ADGB: variants seen among roughly 807,000 people sequenced by gnomAD.
ADGB encodes the protein androglobin, also known as calpain-7-like protein.
Under a neutral mutation model 210.5 loss-of-function variants are expected in ADGB, and 172 were observed. That is an observed-to-expected ratio of 0.82 (90% CI 0.72 to 0.93). ADGB has a LOEUF of 0.93. Ranked by LOEUF, ADGB falls within the 40% of genes least tolerant of loss-of-function variation. The probability of loss-of-function intolerance (pLI) is 0.00; values close to 1 mark genes in which losing one functional copy is unlikely to be tolerated. For missense variants in ADGB, 2,025 were observed against 1,964.8 expected, an observed-to-expected ratio of 1.03 and a Z score of -0.58; for synonymous variants, 658 against 662.7, an observed-to-expected ratio of 0.99 and a Z score of 0.11.
intron 8 of ADGB, among the ~76,000 whole-genome samples, chr6:146,673,450 T>A (rs1382066333): frequency 1.3e-5 from 2 of 152,178 alleles, no homozygotes; most frequent in Non-Finnish European, 1.5e-5. Flanking sequence ...GTTGTCGTTA[T>A]CCTTTCTTAA....
intron 35 of ADGB, chr6:146,802,571 T>G (rs1210587597): frequency 6.1e-6 from 3 of 488,554 alleles, no homozygotes; most frequent in Admixed American, 3.9e-5. Context: ...CATAGTGCAC[T>G]TTCACCTCAA....
intron 27 of ADGB, among the ~76,000 whole-genome samples, chr6:146,763,345 T>C (rs1777524500): frequency 1.3e-5 from 2 of 152,222 alleles, no homozygotes; most frequent in Non-Finnish European, 2.9e-5. Context: ...ACTTATGTTT[T>C]TTCAATACAT....
intron 26 of ADGB, 88 bp from the exon 27 acceptor site, chr6:146,752,442 C>G (rs571621585): frequency 8.3e-7 from 1 of 1,206,964 alleles, no homozygotes; most frequent in Middle Eastern, 2.4e-4. Flanking sequence ...CAGATTTGGG[C>G]AGGGACATAT....
At chr6:146,796,397 A>C (rs1339397655) in intron 33 of ADGB, among the ~76,000 whole-genome samples, 1 of 152,202 alleles carries the variant, frequency 6.6e-6, no homozygotes, top group Non-Finnish European at 1.5e-5. Context: ...AAGCACGACC[A>C]ATCTGCATAG....
chr6:146,807,224 G>A (rs1464079803), intron 35 of ADGB, among the ~76,000 whole-genome samples: 2 of 152,100 alleles, frequency 1.3e-5, no homozygotes, highest in African/African-American at 2.4e-5. Context: ...TGAACCCTTT[G>A]TTGCTATGTT....
At chr6:146,731,007 A>G (rs1776975024) in intron 20 of ADGB, among the ~76,000 whole-genome samples, 1 of 152,196 alleles carries the variant, frequency 6.6e-6, no homozygotes, top group African/African-American at 2.4e-5. Flanking sequence ...GAGATAACTT[A>G]TCATTACAAG....
At position 146,700,972 on chromosome 6, in the gene ADGB, A is replaced by G. The variant is rs1354583909; in HGVS notation, c.1609A>G (p.Ile537Val). Residue 537 changes from isoleucine (I) to valine (V), a missense_variant, in exon 13 of 36, where the codon ATA becomes GTA. By Grantham distance (29) the Ile-to-Val change is conservative. Coordinates refer to ENST00000397944, the MANE Select transcript of ADGB (RefSeq NM_024694.4). ...TGTGCGCTCCTTAATTAAGAAAGGA[A>G]TACCTCCAGGATCTGATTTACCTTC... ...HFVRSLIKKG[I>V]PPGSDLPSVS... The G allele has an allele frequency of 4.5e-6, 7 of 1,551,004 alleles. No individual in the cohort carries two copies. In the African/African-American group the frequency reaches 6.8e-5, roughly 15 times the overall value.
intron 1 of ADGB, among the ~76,000 whole-genome samples, chr6:146,600,926 GCACACACACACACACACACA>G (rs35082520): frequency 2.8e-5 from 4 of 144,454 alleles, no homozygotes; most frequent in Admixed American, 1.4e-4. Context: ...TCCCCCATGC[GCACACACACACACACACACA>G]CACACACACA....
At position 146,721,744 on chromosome 6, in the gene ADGB, A is replaced by G. The variant is rs374624126; in HGVS notation, c.2095+239A>G. 3.3e-5 allele frequency among the ~76,000 whole-genome samples: 5 copies of G among 152,310 alleles called. No individual in the cohort carries two copies. In the East Asian group the frequency reaches 9.6e-4, roughly 29 times the overall value. ...TCCCAGCTACTCAGGAGGCTGAAGCAGGACAATCCCTTGAACCCAGGAGGC... is the reference window on the plus strand; with the variant it reads ...TCCCAGCTACTCAGGAGGCTGAAGCGGGACAATCCCTTGAACCCAGGAGGC... On this transcript the variant is annotated intron_variant, in intron 17 of 35. Coordinates refer to ENST00000397944, the MANE Select transcript of ADGB (RefSeq NM_024694.4).
chr6:146,701,565 A>G lies in ADGB; in HGVS notation c.1707+495A>G, dbSNP rs941054528. ...TCTTACTATTGTAAGCAACGGTACC[A>G]TGATTTTTCTCAAATGTCCCTTGAA... On this transcript the variant is annotated intron_variant, in intron 13 of 35. Transcript: ENST00000397944. 3.9e-5 allele frequency among the ~76,000 whole-genome samples: 6 copies of G among 152,026 alleles called. 1 individual carries two copies. Among genetic ancestry groups the G allele is most frequent in the Non-Finnish European group, 7.4e-5 (5 of 67,916 alleles).
At chr6:146,672,173 A>G (rs1776018615) in intron 7 of ADGB, 47 bp from the exon 8 acceptor site, 3 of 1,452,970 alleles carry the variant, frequency 2.1e-6, no homozygotes, top group Non-Finnish European at 2.7e-6. Flanking sequence ...GTTCAAGGAA[A>G]AAAAAAAACA....
rs1012872931 is a variant in ADGB at position 146,721,399 on chromosome 6, G to T, written c.1993-4G>T. On this transcript the variant is annotated splice_region_variant and splice_polypyrimidine_tract_variant and intron_variant, in intron 16 of 35. Coordinates refer to ENST00000397944, the MANE Select transcript of ADGB (RefSeq NM_024694.4). ...AGTATGACAACTGGTCTAATTTCTT[G>T]CAGTTCTCAGAAGAACGAGTGTCCT... is the stretch of plus-strand genomic sequence containing the variant. The T allele has an allele frequency of 6.6e-7, 1 of 1,513,794 alleles. No homozygotes were observed. The highest frequency in any genetic ancestry group is 1.2e-5 in the South Asian group (1 of 83,270). The allele number at this position is 1,513,794 out of a possible 1,614,324, so 93.8% of individuals were successfully genotyped here. A position where few individuals can be genotyped will look rare whatever the true frequency, so the allele number is the denominator to read the frequency against.
At chr6:146,731,454 C>T (rs1776986411) in intron 20 of ADGB, among the ~76,000 whole-genome samples, 1 of 151,950 alleles carries the variant, frequency 6.6e-6, no homozygotes, top group Non-Finnish European at 1.5e-5. Flanking sequence ...TTCTAGATGG[C>T]CTTGTTTTGC....
intron 5 of ADGB, among the ~76,000 whole-genome samples, chr6:146,659,497 C>G (rs1562267169): frequency 6.6e-6 from 1 of 152,136 alleles, no homozygotes; most frequent in Admixed American, 6.5e-5. Flanking sequence ...TCACTTTGTC[C>G]TGTAAAACAT....
intron 1 of ADGB, among the ~76,000 whole-genome samples, chr6:146,608,551 C>A (rs1284492694): frequency 6.6e-6 from 1 of 152,052 alleles, no homozygotes; most frequent in African/African-American, 2.4e-5. Context: ...TAGCAGTGTC[C>A]CAGAGAGTCT....
chr6:146,636,943 T>G (rs1250898359), intron 2 of ADGB, among the ~76,000 whole-genome samples: 2 of 152,004 alleles, frequency 1.3e-5, no homozygotes, highest in Admixed American at 1.3e-4. Context: ...TCAGATGAAT[T>G]CACCCTTTCC....
At chr6:146,733,827 G>C in intron 21 of ADGB, 66 bp from the exon 22 acceptor site, 1 of 1,521,568 alleles carries the variant, frequency 6.6e-7, no homozygotes, top group Non-Finnish European at 8.9e-7. Flanking sequence ...GGCAGCTGAA[G>C]GCGTTGAAAC....
Position 146,717,565 on chromosome 6 carries a change from C to T in ADGB, c.1958C>T (p.Ser653Leu), listed in dbSNP as rs564673148. Reference protein sequence around the residue: ...QNIYIFHKPSSYCLNFQKSEF... With the variant: ...QNIYIFHKPSLYCLNFQKSEF... ...ATATATATTTTCCACAAGCCAAGTT[C>T]ATATTGCCTTAACTTTCAAAAATCA... The change falls in exon 16 of 36, where the codon TCA becomes TTA. Residue 653 changes from serine (S) to leucine (L), a missense_variant. Physicochemically the swap from Ser to Leu is moderately radical, Grantham distance 145 (BLOSUM62 -2). Transcript: ENST00000397944. 8 of 1,409,698 alleles carry T rather than the reference C, an allele frequency of 5.7e-6. No individual in the cohort carries two copies. The highest frequency in any genetic ancestry group is 2.7e-5 in the South Asian group (2 of 74,462). 87.3% of individuals were successfully genotyped at this position (1,409,698 alleles called of 1,614,324 possible).
Position 146,763,995 on chromosome 6 carries a change from C to G in ADGB, c.3645C>G (p.Pro1215=). The part of the protein sequence containing the change: ...KKAAQGIQKS[P]KGRAVSAIQD... ...CTGCTCAGGGAATTCAGAAATCCCC[C>G]AAGGGTAGAGCTGTAAGTGCAATAC... The change falls in exon 28 of 36, where the codon CCC becomes CCG. Residue 1215 remains proline, a synonymous_variant. Transcript: ENST00000397944. The G allele has an allele frequency of 6.4e-7, 1 of 1,551,488 alleles. No homozygotes were observed. Among genetic ancestry groups the G allele is most frequent in the Non-Finnish European group, 8.7e-7 (1 of 1,146,864 alleles).
Sources: allele counts gnomAD v4.1 joint callset (sites outside exome capture counted in the v4.1 genomes callset), GRCh38; gene constraint gnomAD v4.1.1; transcripts MANE v1.5; gene names NCBI Gene and HGNC (gene_info 2026-07-23, HGNC 2026-07-21).